Variants in BCAN observed in about 807,000 individuals in gnomAD.
BCAN encodes the protein brevican core protein.
BCAN carries 51 observed loss-of-function variants against 92.4 expected under a neutral mutation model. That is an observed-to-expected ratio of 0.55 (90% CI 0.44 to 0.70). The LOEUF (loss-of-function observed/expected upper bound fraction) is 0.70. Among genes scored for constraint, BCAN ranks in the 30% least tolerant of loss-of-function variants. BCAN has a pLI of 0.00. For synonymous variants in BCAN, 501 were observed against 505.2 expected (o/e 0.99, Z 0.11); for missense variants, 1,140 against 1,212.1 (o/e 0.94, Z 0.88).
intron 10 of BCAN, 47 bp from the exon 11 acceptor site, chr1:156,657,628 C>T (rs928555706): frequency 3.3e-6 from 5 of 1,520,944 alleles, no homozygotes; most frequent in East Asian, 2.3e-5. Flanking sequence ...GGGGAACGGC[C>T]GCCATCTGCT....
rs1020125345 is a variant in BCAN, at chr1:156,642,631, C to G, written c.-9+356C>G. The G allele has an allele frequency of 6.6e-6, 1 of 152,384 alleles. No homozygotes were observed. Among genetic ancestry groups the G allele is most frequent in the African/African-American group, 2.4e-5 (1 of 41,470 alleles). 9.4% of individuals were successfully genotyped at this position (152,384 alleles called of 1,614,324 possible). A position where few individuals can be genotyped will look rare whatever the true frequency, so the allele number is the denominator to read the frequency against. On this transcript the variant is annotated intron_variant, in intron 1 of 13. Coordinates refer to ENST00000329117, the MANE Select transcript of BCAN (RefSeq NM_021948.5). This position sits in a 1 kb window ranked among gnomAD's most constrained non-coding sequence, Gnocchi z 4.2. ...CAGGCAGGGCGGTAGCGTTCCGGAT[C>G]AGTCCTTGCCTCCGTGCCCCCACGC...
In BCAN at chr1:156,658,617, A is replaced by G; in HGVS notation, c.2512A>G (p.Thr838Ala). Residue 838 changes from threonine to alanine, a missense_variant, in exon 13 of 14, where the codon ACT becomes GCT. Physicochemically the swap from Thr to Ala is moderately conservative, Grantham distance 58 (BLOSUM62 0). Coordinates refer to ENST00000329117, the MANE Select transcript of BCAN (RefSeq NM_021948.5). This position sits in a 1 kb window ranked among gnomAD's most constrained non-coding sequence, Gnocchi z 4.4. Reference sequence around the variant, plus strand: ...CCCACGGCTGCGCTATGAGGTGGACACTGTGCTTCGCTACCGGTGCCGGGA... The same window carrying G: ...CCCACGGCTGCGCTATGAGGTGGACGCTGTGCTTCGCTACCGGTGCCGGGA... Reference protein sequence around the residue: ...GRPRLRYEVDTVLRYRCREGL... With the variant: ...GRPRLRYEVDAVLRYRCREGL... The G allele has an allele frequency of 1.9e-6, 3 of 1,614,112 alleles. No individual in the cohort carries two copies. The highest frequency in any genetic ancestry group is 1.3e-5 in the African/African-American group (1 of 75,070).
chr1:156,646,665 C>T (rs1484375401), intron 2 of BCAN, 136 bp from the exon 3 acceptor site: 12 of 1,400,396 alleles, frequency 8.6e-6, no homozygotes, highest in Non-Finnish European at 1.1e-5. Flanking sequence ...GGCCCCTGGC[C>T]CCTGGCCCCT....
rs1571451463 is a variant in BCAN at position 156,656,385 on chromosome 1, T to C, written c.2046T>C (p.Asp682=). 7.4e-7 allele frequency: 1 copy of C among 1,358,062 alleles called. No homozygotes were observed. Among genetic ancestry groups the C allele is most frequent in the Middle Eastern group, 2.0e-4 (1 of 5,082 alleles). The allele number at this position is 1,358,062 out of a possible 1,614,324, so 84.1% of individuals were successfully genotyped here. A position where few individuals can be genotyped will look rare whatever the true frequency, so the allele number is the denominator to read the frequency against. The change falls in exon 9 of 14, where the codon GAT becomes GAC. Residue 682 remains aspartate, a synonymous_variant. Transcript: ENST00000329117. ...CTGGCTATGGGGGGGACCTGTGCGA[T>C]GTTGGTGAGTGTTGAGGGACGGGGG... is the stretch of plus-strand genomic sequence containing the variant. The part of the protein sequence containing the change: ...CLPGYGGDLC[D]VGLRFCNPGW...
Position 156,647,001 on chromosome 1 carries a change from GT to G in BCAN, c.293del (p.Val98AlafsTer3), listed in dbSNP as rs1679004552. ...AEVLVARGVR[V>X]KVNEAYRFRV... Reference sequence around the variant, plus strand: ...GGTGCTGGTGGCGCGGGGAGTGCGCGTCAAGGTGAACGAGGCCTACCGGTTC... The same window carrying G: ...GGTGCTGGTGGCGCGGGGAGTGCGCGCAAGGTGAACGAGGCCTACCGGTTC... On this transcript the variant is annotated frameshift_variant, in exon 3 of 14. Transcript: ENST00000329117. LOFTEE classifies it high-confidence loss of function. The surrounding 1 kb of genome is among the most constrained non-coding windows in gnomAD (Gnocchi z 4.8). 3 of 1,613,052 alleles carry G rather than the reference GT, an allele frequency of 1.9e-6. No individual in the cohort carries two copies. Among genetic ancestry groups the G allele is most frequent in the Non-Finnish European group, 2.5e-6 (3 of 1,179,640 alleles).
rs1679194427 is a variant in BCAN, at chr1:156,652,392, C to A, written c.1442C>A (p.Ala481Glu). Residue 481 changes from alanine to glutamate, a missense_variant, in exon 8 of 14, where the codon GCA becomes GAA. Around this residue, in one of 3 missense-constraint regions of BCAN, gnomAD observed 825 missense variants for 871.8 expected, o/e 0.95. Transcript: ENST00000329117. ...GAGGTGGAGGATGAGGCTCTGTGGG[C>A]ATGGCCCAGCGAGCTCAGCAGCCCG... The part of the protein sequence containing the change: ...EEEVEDEALW[A>E]WPSELSSPGP... 1 of 1,609,494 alleles carries A rather than the reference C, an allele frequency of 6.2e-7. No individual in the cohort carries two copies. Among genetic ancestry groups the A allele is most frequent in the African/African-American group, 1.3e-5 (1 of 74,794 alleles).
Position 156,647,007 on chromosome 1 carries a change from G to A in BCAN, c.298G>A (p.Val100Met). Residue 100 changes from valine to methionine, a missense_variant, in exon 3 of 14, where the codon GTG (valine) becomes ATG (methionine). This residue lies in a region of BCAN where 286 missense variants were observed against 284.1 expected (regional missense o/e 1.01). Transcript: ENST00000329117. The surrounding 1 kb of genome is among the most constrained non-coding windows in gnomAD (Gnocchi z 4.8). ...GGTGGCGCGGGGAGTGCGCGTCAAG[G>A]TGAACGAGGCCTACCGGTTCCGCGT... The part of the protein sequence containing the change: ...VLVARGVRVK[V>M]NEAYRFRVAL... 1 of 1,613,162 alleles carries A rather than the reference G, an allele frequency of 6.2e-7. No homozygotes were observed. The highest frequency in any genetic ancestry group is 8.5e-7 in the Non-Finnish European group (1 of 1,179,670).
intron 8 of BCAN, among the ~76,000 whole-genome samples, chr1:156,653,990 G>C (rs1002159081): frequency 6.6e-6 from 1 of 152,062 alleles, no homozygotes; most frequent in African/African-American, 2.4e-5. Context: ...ATCTCAGCAG[G>C]GGGTGGTATC....
At chr1:156,656,454 A>AG in intron 9 of BCAN, 65 bp downstream of exon 9, 14 of 1,198,382 alleles carry the variant, frequency 1.2e-5, no homozygotes, top group Non-Finnish European at 1.5e-5. Context: ...CTACTTCTGG[A>AG]GGGGGGAGGG....
rs780294314 is a variant in BCAN at position 156,652,504 on chromosome 1, T to C, written c.1554T>C (p.Gly518=). Residue 518 remains glycine, a synonymous_variant, in exon 8 of 14, where the codon GGT becomes GGC. Transcript: ENST00000329117. ...QAPARAVLQP[G]ASPLPDGESE... Reference sequence around the variant, plus strand: ...CAGCAAGGGCAGTCCTGCAGCCTGGTGCATCACCACTTCCTGATGGAGAGT... The same window carrying C: ...CAGCAAGGGCAGTCCTGCAGCCTGGCGCATCACCACTTCCTGATGGAGAGT... 1 of 1,610,408 alleles carries C rather than the reference T, an allele frequency of 6.2e-7. No homozygotes were observed. Among genetic ancestry groups the C allele is most frequent in the Non-Finnish European group, 8.5e-7 (1 of 1,178,232 alleles).
rs759486942 is a variant in BCAN at position 156,647,583 on chromosome 1, G to C, written c.542G>C (p.Arg181Pro). The C allele has an allele frequency of 6.2e-7, 1 of 1,612,654 alleles. No individual in the cohort carries two copies. The highest frequency in any genetic ancestry group is 1.7e-5 in the Admixed American group (1 of 59,786). ...SFSGAQEACARIGAHIATPEQ... is the reference protein window; with the variant it reads ...SFSGAQEACAPIGAHIATPEQ... ...TCTGGGGCCCAGGAGGCCTGTGCCCGCATTGGAGCCCACATCGCCACCCCG... is the reference window on the plus strand; with the variant it reads ...TCTGGGGCCCAGGAGGCCTGTGCCCCCATTGGAGCCCACATCGCCACCCCG... Residue 181 changes from arginine (R) to proline (P), a missense_variant, in exon 4 of 14, where the codon CGC becomes CCC. This residue lies in a region of BCAN where 286 missense variants were observed against 284.1 expected (regional missense o/e 1.01). Coordinates refer to ENST00000329117, the MANE Select transcript of BCAN (RefSeq NM_021948.5). The surrounding 1 kb of genome is among the most constrained non-coding windows in gnomAD (Gnocchi z 4.8).
intron 11 of BCAN, 35 bp downstream of exon 11, chr1:156,657,792 C>G: frequency 6.3e-7 from 1 of 1,575,526 alleles, no homozygotes; most frequent in Non-Finnish European, 8.7e-7. Context: ...CCGTCTAGCT[C>G]ACTTCCTCTA....
intron 10 of BCAN, 105 bp downstream of exon 10, chr1:156,657,201 T>C (rs1173787611): frequency 1.4e-6 from 2 of 1,411,008 alleles, no homozygotes; most frequent in Non-Finnish European, 1.9e-6. Context: ...TCCTTGGTTT[T>C]CTCAAGCGTG....
rs1231881363 is a variant in BCAN, at chr1:156,657,660, C to T, written c.2210-15C>T. ...TGCTGGCGGCTGCGCTCACTGCACGCCTTCGTCTCCCTAGACCGGTACCGG... is the reference window on the plus strand; with the variant it reads ...TGCTGGCGGCTGCGCTCACTGCACGTCTTCGTCTCCCTAGACCGGTACCGG... On this transcript the variant is annotated splice_polypyrimidine_tract_variant and intron_variant, in intron 10 of 13. Transcript: ENST00000329117. 1.9e-6 allele frequency: 3 copies of T among 1,599,884 alleles called. No individual in the cohort carries two copies. The highest frequency in any genetic ancestry group is 4.5e-5 in the East Asian group (2 of 44,300).
chr1:156,645,092 C>T (rs748255447), intron 1 of BCAN, among the ~76,000 whole-genome samples: 12 of 152,154 alleles, frequency 7.9e-5, no homozygotes, highest in Non-Finnish European at 1.3e-4. Context: ...GTAAGTGCTT[C>T]GAGATCTTTG....
In BCAN at chr1:156,658,774, G is replaced by T. The variant is rs1212343553; in HGVS notation, c.2628+41G>T. ...AGGCAGGTGGGAGTGGGAGACAGTA[G>T]CCAACAGTAGCCTTGGACTCCACTT... On this transcript the variant is annotated intron_variant, in intron 13 of 13. Transcript: ENST00000329117. This position sits in a 1 kb window ranked among gnomAD's most constrained non-coding sequence, Gnocchi z 4.4. 1 of 1,610,464 alleles carries T rather than the reference G, an allele frequency of 6.2e-7. No homozygotes were observed. Among genetic ancestry groups the T allele is most frequent in the Non-Finnish European group, 8.5e-7 (1 of 1,177,710 alleles).
rs909999752 is a variant in BCAN at position 156,659,450 on chromosome 1, G to A, written c.*316G>A. 1.5e-5 allele frequency: 5 copies of A among 328,772 alleles called. No individual in the cohort carries two copies. Among genetic ancestry groups the A allele is most frequent in the African/African-American group, 1.1e-4 (5 of 46,480 alleles). The allele number at this position is 328,772 out of a possible 1,614,324, so 20.4% of individuals were successfully genotyped here. A position where few individuals can be genotyped will look rare whatever the true frequency, so the allele number is the denominator to read the frequency against. ...GGAGCACTGTGCCCACTCTTTCTGG[G>A]TTTTCCAAGGGAATGGGCTTGCAGG... On this transcript the variant is annotated 3_prime_UTR_variant, in exon 14 of 14. Transcript: ENST00000329117.
In BCAN at chr1:156,648,878, G is replaced by A. The variant is rs1399480957; in HGVS notation, c.1063+17G>A. The A allele has an allele frequency of 1.3e-6, 2 of 1,539,948 alleles. No individual in the cohort carries two copies. Among genetic ancestry groups the A allele is most frequent in the South Asian group, 2.5e-5 (2 of 81,380 alleles). On this transcript the variant is annotated intron_variant, in intron 6 of 13. Transcript: ENST00000329117. Reference sequence around the variant, plus strand: ...GCTTCCGAGGTGAGCCCACCTCCCTGCAGAAGCTGAGACCAATCTCAGAAA... The same window carrying A: ...GCTTCCGAGGTGAGCCCACCTCCCTACAGAAGCTGAGACCAATCTCAGAAA...
intron 1 of BCAN, chr1:156,643,141 G>C (rs975863839): frequency 6.6e-6 from 1 of 152,184 alleles, no homozygotes; most frequent in Non-Finnish European, 1.5e-5. Context: ...TACTTAGATT[G>C]CAGATGATGA....
Sources: allele counts gnomAD v4.1 joint callset (sites outside exome capture counted in the v4.1 genomes callset), GRCh38; gene constraint gnomAD v4.1.1; regional missense constraint gnomAD v4.1.1; non-coding constraint Gnocchi (gnomAD v3.1); transcripts MANE v1.5; gene names NCBI Gene and HGNC (gene_info 2026-07-23, HGNC 2026-07-21).